ZNF771: variants seen among roughly 807,000 people sequenced by gnomAD.
ZNF771 encodes the protein mesenchymal stem cell protein DSC43.
In ZNF771, 10 loss-of-function variants were observed where a neutral mutation model predicts 27.6. The ratio of observed to expected loss-of-function variants is 0.36; its 90% CI spans 0.22 to 0.61. The LOEUF is 0.61. Among genes scored for constraint, ZNF771 ranks in the 20% least tolerant of loss-of-function variants. The pLI is 0.70. For missense variants in ZNF771, 438 were observed against 503.7 expected, an observed-to-expected ratio of 0.87 and a Z score of 1.25; for synonymous variants, 261 against 225.2, an observed-to-expected ratio of 1.16 and a Z score of -1.43.
intron 2 of ZNF771, among the ~76,000 whole-genome samples, chr16:30,417,217 C>T (rs1239952667): frequency 6.6e-6 from 1 of 152,220 alleles, no homozygotes; most frequent in African/African-American, 2.4e-5. Flanking sequence ...ATCCCCAATA[C>T]CAGCATTCCT....
intron 2 of ZNF771, among the ~76,000 whole-genome samples, chr16:30,412,052 A>C (rs1269437879): frequency 6.6e-6 from 1 of 151,998 alleles, no homozygotes; most frequent in Non-Finnish European, 1.5e-5. Flanking sequence ...CAGCTCCTAA[A>C]CTTGGCATTC....
In ZNF771 at chr16:30,408,238, G is replaced by A. The variant is rs781680688; in HGVS notation, c.141+44G>A. 4.3e-6 allele frequency: 7 copies of A among 1,612,608 alleles called. 1 individual carries two copies. In the South Asian group the frequency reaches 7.7e-5, roughly 18 times the overall value. ...CTGGGGCACACTGTCCCCAAACCTG[G>A]TCCAGGCCCAGCCTCCCTCAGATAG... On this transcript the variant is annotated intron_variant, in intron 2 of 2. Coordinates refer to ENST00000319296, the MANE Select transcript of ZNF771 (RefSeq NM_001142305.2).
chr16:30,407,780 C>A (rs969656633), intron 1 of ZNF771, 116 bp downstream of exon 1: 1 of 251,388 alleles, frequency 4.0e-6, no homozygotes, highest in South Asian at 5.8e-5. Context: ...AGGATGGTGG[C>A]GACTTGCGGG....
At chr16:30,415,574 G>A (rs545257583) in intron 2 of ZNF771, among the ~76,000 whole-genome samples, 3 of 151,858 alleles carry the variant, frequency 2.0e-5, no homozygotes, top group Admixed American at 2.0e-4. Flanking sequence ...GTAGAGACGG[G>A]GTTTCAACAT....
intron 1 of ZNF771, 95 bp from the exon 2 acceptor site, chr16:30,407,950 C>A (rs1367753125): frequency 6.8e-6 from 6 of 876,512 alleles, no homozygotes; most frequent in Non-Finnish European, 9.9e-6. Context: ...GGAGAAGCCA[C>A]GGCTGCACTG....
Position 30,415,374 on chromosome 16 carries a change from C to T in ZNF771, c.142-2181C>T, listed in dbSNP as rs1360293268. ...AAACAGAAGGCCCTACTATTTTCTG[C>T]TGTCACCCTTTTTTTTTTTTTTTTT... On this transcript the variant is annotated intron_variant, in intron 2 of 2. Transcript: ENST00000319296. Among the ~76,000 whole-genome samples, 19 of 149,838 alleles carry T rather than the reference C, an allele frequency of 1.3e-4. No homozygotes were observed. In the Admixed American group the frequency reaches 1.3e-3, roughly 10 times the overall value.
chr16:30,411,472 C>G (rs549595717), intron 2 of ZNF771, among the ~76,000 whole-genome samples: 19 of 152,262 alleles, frequency 1.2e-4, no homozygotes, highest in African/African-American at 4.1e-4. Flanking sequence ...TGGCTAGAGC[C>G]AAGGGGTATG....
In ZNF771 at chr16:30,408,065, A is replaced by G. The variant is rs780583640; in HGVS notation, c.12A>G (p.Glu4=). 1 of 1,597,268 alleles carries G rather than the reference A, an allele frequency of 6.3e-7. No individual in the cohort carries two copies. Among genetic ancestry groups the G allele is most frequent in the Non-Finnish European group, 8.5e-7 (1 of 1,171,438 alleles). The stretch of plus-strand genomic sequence containing the variant: ...CTCAGGACACCAAGATGCCTGGCGA[A>G]CAGCAGGCAGAGGAAGAGGAGGAGG... MPG[E]QQAEEEEEEE... The change falls in exon 2 of 3, where the codon GAA becomes GAG. Residue 4 remains glutamate (E), a synonymous_variant. Coordinates refer to ENST00000319296, the MANE Select transcript of ZNF771 (RefSeq NM_001142305.2).
chr16:30,415,705 T>C (rs2050130577), intron 2 of ZNF771, among the ~76,000 whole-genome samples: 1 of 152,124 alleles, frequency 6.6e-6, no homozygotes, highest in African/African-American at 2.4e-5. Flanking sequence ...TCTTCACCTG[T>C]CTCCCCATCT....
At chr16:30,416,591 T>A (rs1332510046) in intron 2 of ZNF771, among the ~76,000 whole-genome samples, 14 of 152,324 alleles carry the variant, frequency 9.2e-5, no homozygotes, top group African/African-American at 3.1e-4. Context: ...TTCTGTCACC[T>A]GGGTATGAGC....
At chr16:30,413,469 GT>G (rs1368251434) in intron 2 of ZNF771, 3 of 261,610 alleles carry the variant, frequency 1.1e-5, no homozygotes, top group Non-Finnish European at 2.4e-5. Context: ...GTGATATCTT[GT>G]TTTTTAAATA....
chr16:30,413,205 C>T (rs1267010815), intron 2 of ZNF771, among the ~76,000 whole-genome samples: 1 of 152,222 alleles, frequency 6.6e-6, no homozygotes, highest in African/African-American at 2.4e-5. Flanking sequence ...ATTGTATGTT[C>T]ACAGTAGCCT....
At position 30,411,061 on chromosome 16, in the gene ZNF771, G is replaced by A. The variant is rs111275585; in HGVS notation, c.141+2867G>A. 2.0e-4 allele frequency among the ~76,000 whole-genome samples: 31 copies of A among 151,670 alleles called. 4 individuals are homozygous for A. Among genetic ancestry groups the A allele is most frequent in the African/African-American group, 7.0e-4 (29 of 41,344 alleles). On this transcript the variant is annotated intron_variant, in intron 2 of 2. Transcript: ENST00000319296. ...AGGCCAGGCGTGGTGGCTCATGCCTGTAATCCCAGCACTTTGGGAGGCTGA... is the reference window on the plus strand; with the variant it reads ...AGGCCAGGCGTGGTGGCTCATGCCTATAATCCCAGCACTTTGGGAGGCTGA...
chr16:30,410,393 G>A (rs2050097553), intron 2 of ZNF771, among the ~76,000 whole-genome samples: 1 of 151,406 alleles, frequency 6.6e-6, no homozygotes, highest in African/African-American at 2.4e-5. Flanking sequence ...GAGCCACCAC[G>A]CCTGGCTCAA....
chr16:30,410,796 G>A (rs899407158), intron 2 of ZNF771, among the ~76,000 whole-genome samples: 2 of 134,186 alleles, frequency 1.5e-5, no homozygotes, highest in African/African-American at 5.8e-5. Context: ...AAGGTGGGAG[G>A]ATCACTTGAG....
At position 30,418,371 on chromosome 16, in the gene ZNF771, C is replaced by T; in HGVS notation, c.*4C>T. 3 of 1,390,302 alleles carry T rather than the reference C, an allele frequency of 2.2e-6. No homozygotes were observed. Among genetic ancestry groups the T allele is most frequent in the Non-Finnish European group, 2.8e-6 (3 of 1,074,674 alleles). The allele number at this position is 1,390,302 out of a possible 1,614,324, so 86.1% of individuals were successfully genotyped here. ...CCCGGAGTGTGAGGGCAGCTGAGTC[C>T]CGCAGGGCTGCGGAGGGGCGCGCTG... On this transcript the variant is annotated 3_prime_UTR_variant, in exon 3 of 3. Transcript: ENST00000319296.
Position 30,417,656 on chromosome 16 carries a change from C to G in ZNF771, c.243C>G (p.His81Gln). ...CGCGCCGCTCCACGCTGGCGAAGCA[C>G]GCGCGCACGCACACGGGCGAACGGC... ...AFARRSTLAK[H>Q]ARTHTGERPF... The change falls in exon 3 of 3, where the codon CAC (histidine) becomes CAG (glutamine). Residue 81 changes from histidine to glutamine, a missense_variant. This residue lies in a region of ZNF771 where 49 missense variants were observed against 106.5 expected (regional missense o/e 0.46). Transcript: ENST00000319296. The G allele has an allele frequency of 1.5e-6, 2 of 1,374,014 alleles. No individual in the cohort carries two copies. The highest frequency in any genetic ancestry group is 1.9e-6 in the Non-Finnish European group (2 of 1,066,212). The allele number at this position is 1,374,014 out of a possible 1,614,324, so 85.1% of individuals were successfully genotyped here. A position where few individuals can be genotyped will look rare whatever the true frequency, so the allele number is the denominator to read the frequency against.
chr16:30,418,080 C>A lies in ZNF771; in HGVS notation c.667C>A (p.Arg223Ser), dbSNP rs1229904325. The A allele has an allele frequency of 2.0e-6, 3 of 1,477,554 alleles. No homozygotes were observed. Among genetic ancestry groups the A allele is most frequent in the South Asian group, 2.6e-5 (2 of 76,998 alleles). 91.5% of individuals were successfully genotyped at this position (1,477,554 alleles called of 1,614,324 possible). A position where few individuals can be genotyped will look rare whatever the true frequency, so the allele number is the denominator to read the frequency against. ...GAGCTCGGCGCTGGCCAAGCACCGGCGCGTGCACACGGGCGAGAAGCCGCA... is the reference window on the plus strand; with the variant it reads ...GAGCTCGGCGCTGGCCAAGCACCGGAGCGTGCACACGGGCGAGAAGCCGCA... ...AQSSALAKHR[R>S]VHTGEKPHRC... The change falls in exon 3 of 3, where the codon CGC (arginine) becomes AGC (serine). Residue 223 changes from arginine to serine, a missense_variant. Arg to Ser is a moderately radical substitution (Grantham distance 110). Coordinates refer to ENST00000319296, the MANE Select transcript of ZNF771 (RefSeq NM_001142305.2).
chr16:30,416,883 C>T (rs2050136738), intron 2 of ZNF771, among the ~76,000 whole-genome samples: 1 of 140,294 alleles, frequency 7.1e-6, no homozygotes, highest in African/African-American at 2.7e-5. Context: ...CCAGGAGGTT[C>T]GGGACCAAGC....
Sources: gnomAD v4.1 joint callset for allele counts (sites outside exome capture counted in the v4.1 genomes callset) on GRCh38, gnomAD v4.1.1 for gene constraint, gnomAD v4.1.1 regional missense constraint, MANE v1.5 for transcripts, NCBI Gene and HGNC (gene_info 2026-07-23, HGNC 2026-07-21) for gene names.